RORA: variants seen among roughly 807,000 people sequenced by gnomAD.
RORA encodes the protein RAR related orphan receptor A.
Under a neutral mutation model 69.5 loss-of-function variants are expected in RORA, and 7 were observed. That is an observed-to-expected ratio of 0.10 (90% CI 0.06 to 0.19). The LOEUF (loss-of-function observed/expected upper bound fraction) is 0.19. Ranked by LOEUF, RORA falls within the 10% of genes least tolerant of loss-of-function variation. The pLI, the probability that RORA is intolerant of heterozygous loss-of-function variation, is 1.00. For synonymous variants in RORA, 261 were observed against 240.8 expected (o/e 1.08, Z -0.78); for missense variants, 457 against 663.0 (o/e 0.69, Z 3.41).
Position 60,504,821 on chromosome 15 carries a change from C to T in RORA, c.942+687G>A, listed in dbSNP as rs532246292. The stretch of plus-strand genomic sequence containing the variant: ...ATCTTTTTCGTTGCTAACTTGTTTC[C>T]CCAATCTTAGTTTCAGACTGTTCCC... On this transcript the variant is annotated intron_variant, in intron 6 of 10. Transcript: ENST00000335670. Among the ~76,000 whole-genome samples, 26 of 152,158 alleles carry T rather than the reference C, an allele frequency of 1.7e-4. 1 individual carries two copies. The South Asian group carries it at 2.7e-3, about 16-fold the overall frequency.
At position 60,765,858 on chromosome 15, in the gene RORA, T is replaced by TC. The variant is rs2071980132; in HGVS notation, c.167-87173dup. ...AAGTATTTACAGTGGTGTAACCCGC[T>TC]CCCCCACCTAACCCCCCAATATCGG... On this transcript the variant is annotated intron_variant, in intron 1 of 10. Transcript: ENST00000335670. Among the ~76,000 whole-genome samples, 3 of 151,800 alleles carry TC rather than the reference T, an allele frequency of 2.0e-5. No homozygotes were observed. In the South Asian group the frequency reaches 6.3e-4, roughly 32 times the overall value.
At chr15:60,966,280 C>G (rs921753560) in intron 1 of RORA, among the ~76,000 whole-genome samples, 3 of 152,150 alleles carry the variant, frequency 2.0e-5, no homozygotes, top group African/African-American at 7.2e-5. Flanking sequence ...TGGTCACATG[C>G]TGAGTATGGG....
At chr15:60,515,900 T>G (rs1241753247) in intron 3 of RORA, among the ~76,000 whole-genome samples, 1 of 107,834 alleles carries the variant, frequency 9.3e-6, no homozygotes. Context: ...ATATATATAT[T>G]TATATATATT....
At chr15:60,641,842 G>A (rs1471975590) in intron 2 of RORA, among the ~76,000 whole-genome samples, 3 of 152,060 alleles carry the variant, frequency 2.0e-5, no homozygotes, top group Non-Finnish European at 4.4e-5. Flanking sequence ...TTACCAAGTA[G>A]AGGCACTTCG....
intron 2 of RORA, among the ~76,000 whole-genome samples, chr15:60,574,706 T>C (rs1490725989): frequency 6.6e-6 from 1 of 152,240 alleles, no homozygotes; most frequent in Non-Finnish European, 1.5e-5. Context: ...TACTTCCTTC[T>C]TCCCAAAAAT....
At chr15:61,162,661 C>G (rs1451620185) in intron 1 of RORA, among the ~76,000 whole-genome samples, 1 of 152,108 alleles carries the variant, frequency 6.6e-6, no homozygotes, top group Non-Finnish European at 1.5e-5. Flanking sequence ...GCTAAAGAAA[C>G]CAAGGTAGGA....
chr15:61,169,719 C>T (rs555829797), intron 1 of RORA, among the ~76,000 whole-genome samples: 26 of 152,072 alleles, frequency 1.7e-4, no homozygotes, highest in African/African-American at 6.3e-4. Flanking sequence ...ATGCTGAAGC[C>T]ACTTCCTGTT....
chr15:60,845,759 T>C lies in RORA; in HGVS notation c.167-167073A>G, dbSNP rs114317852. Reference sequence around the variant, plus strand: ...TATGTGAAGCCATTTTTTTGTTTGCTTGTTTGAGATGGAGTCTTGCTCTGT... The same window carrying C: ...TATGTGAAGCCATTTTTTTGTTTGCCTGTTTGAGATGGAGTCTTGCTCTGT... On this transcript the variant is annotated intron_variant, in intron 1 of 10. Coordinates refer to ENST00000335670, the MANE Select transcript of RORA (RefSeq NM_134261.3). Among the ~76,000 whole-genome samples the C allele has an allele frequency of 5.3e-3, 804 of 152,332 alleles. 9 individuals carry two copies. Among genetic ancestry groups the C allele is most frequent in the African/African-American group, 0.018 (742 of 41,560 alleles).
At chr15:61,165,121 A>ATT (rs2079529747) in intron 1 of RORA, among the ~76,000 whole-genome samples, 1 of 152,176 alleles carries the variant, frequency 6.6e-6, no homozygotes, top group African/African-American at 2.4e-5. Context: ...GAAATACAGA[A>ATT]TCTGTGTGTG....
intron 1 of RORA, among the ~76,000 whole-genome samples, chr15:61,192,097 C>T (rs2079805570): frequency 1.3e-5 from 2 of 152,310 alleles, no homozygotes; most frequent in East Asian, 1.9e-4. Context: ...GCACATGTCA[C>T]CCTTAACCAA....
intron 2 of RORA, among the ~76,000 whole-genome samples, chr15:60,538,644 C>G (rs1415315288): frequency 6.6e-6 from 1 of 152,170 alleles, no homozygotes; most frequent in African/African-American, 2.4e-5. Flanking sequence ...TTATTCACAA[C>G]TTAGAAGAAA....
chr15:60,565,261 A>G (rs985603887), intron 2 of RORA, among the ~76,000 whole-genome samples: 1 of 152,218 alleles, frequency 6.6e-6, no homozygotes, highest in African/African-American at 2.4e-5. Context: ...TTTAATTTTT[A>G]AAGTTGCTTT....
At chr15:60,779,451 G>A (rs139686686) in intron 1 of RORA, among the ~76,000 whole-genome samples, 7 of 152,254 alleles carry the variant, frequency 4.6e-5, no homozygotes, top group East Asian at 1.9e-4. Flanking sequence ...GGGTTTTACC[G>A]GCCCAGCCCT....
chr15:60,717,630 A>T (rs145153124), intron 1 of RORA, among the ~76,000 whole-genome samples: 1 of 152,098 alleles, frequency 6.6e-6, no homozygotes, highest in Non-Finnish European at 1.5e-5. Context: ...GTCATTAATT[A>T]ACTAACACAT....
intron 1 of RORA, among the ~76,000 whole-genome samples, chr15:60,964,146 T>A (rs1327414879): frequency 6.6e-6 from 1 of 152,196 alleles, no homozygotes; most frequent in African/African-American, 2.4e-5. Flanking sequence ...AGTGGTATAG[T>A]CTGGTTTCAA....
In RORA at chr15:60,756,263, T is replaced by C. The variant is rs540475041; in HGVS notation, c.167-77577A>G. ...CTCATGACTTCGTCACCCTCCACCA[T>C]TGGGTGAGGAGCTGAATGTTACCAG... is the stretch of plus-strand genomic sequence containing the variant. On this transcript the variant is annotated intron_variant, in intron 1 of 10. Transcript: ENST00000335670. 2.6e-5 allele frequency among the ~76,000 whole-genome samples: 4 copies of C among 152,320 alleles called. No individual in the cohort carries two copies. The East Asian group carries it at 7.7e-4, about 29-fold the overall frequency.
At chr15:60,925,272 C>G (rs987475268) in intron 1 of RORA, among the ~76,000 whole-genome samples, 2 of 152,146 alleles carry the variant, frequency 1.3e-5, no homozygotes, top group African/African-American at 4.8e-5. Context: ...GGTGCTGGAA[C>G]CTCTCCCAGC....
chr15:61,125,077 G>T lies in RORA; in HGVS notation c.166+103976C>A, dbSNP rs74020856. ...AATGTTCATCATCAACCTTTTCTGT[G>T]ATTGCAATGTTGGTGGTGATGAAAA... On this transcript the variant is annotated intron_variant, in intron 1 of 10. Transcript: ENST00000335670. Among the ~76,000 whole-genome samples, 1,447 of 152,272 alleles carry T rather than the reference G, an allele frequency of 9.5e-3. 28 individuals are homozygous for T. Among genetic ancestry groups the T allele is most frequent in the African/African-American group, 0.033 (1,380 of 41,530 alleles).
chr15:61,105,243 T>C (rs28417592), intron 1 of RORA, among the ~76,000 whole-genome samples: 2,227 of 152,242 alleles, frequency 0.015, 46 homozygotes, highest in African/African-American at 0.05. Context: ...GGGTATTATA[T>C]ATAGTATTTA....
Sources: gnomAD v4.1 joint callset for allele counts (sites outside exome capture counted in the v4.1 genomes callset) on GRCh38, gnomAD v4.1.1 for gene constraint, MANE v1.5 for transcripts, NCBI Gene and HGNC (gene_info 2026-07-23, HGNC 2026-07-21) for gene names.